CTCF: variants seen among roughly 807,000 people sequenced by gnomAD.
CTCF encodes transcriptional repressor CTCF.
CTCF carries 7 observed loss-of-function variants against 72.3 expected under a neutral mutation model. The ratio of observed to expected loss-of-function variants is 0.10; its 90% CI spans 0.06 to 0.18. The LOEUF is 0.18. CTCF is among the 10% of genes least tolerant of loss of function. The probability of loss-of-function intolerance (pLI) is 1.00; values close to 1 mark genes in which losing one functional copy is unlikely to be tolerated. For synonymous variants in CTCF, 374 were observed against 315.8 expected (o/e 1.18, Z -1.95); for missense variants, 516 against 949.1 (o/e 0.54, Z 6.00).
At chr16:67,617,325 C>T (rs1193400229) in intron 5 of CTCF, among the ~76,000 whole-genome samples, 1 of 151,970 alleles carries the variant, frequency 6.6e-6, no homozygotes, top group Non-Finnish European at 1.5e-5. Flanking sequence ...CGGTGAAACC[C>T]TGTCTCTACT....
chr16:67,573,274 A>T lies in CTCF; in HGVS notation c.-10+2010A>T, dbSNP rs377293032. 5.3e-5 allele frequency among the ~76,000 whole-genome samples: 8 copies of T among 149,690 alleles called. No homozygotes were observed. The East Asian group carries it at 1.4e-3, about 26-fold the overall frequency. ...AAAAACAACAAAAAAAACCCCAAGA[A>T]GACAATTAGCTGGGTGTGGTGGTGC... On this transcript the variant is annotated intron_variant, in intron 2 of 11. Transcript: ENST00000264010.
At chr16:67,624,974 G>A (rs1258308608) in intron 7 of CTCF, among the ~76,000 whole-genome samples, 1 of 152,136 alleles carries the variant, frequency 6.6e-6, no homozygotes, top group Admixed American at 6.6e-5. Context: ...ACCCAGGCTG[G>A]AGTAGAGTGG....
intron 4 of CTCF, chr16:67,614,858 C>G (rs1052755400): frequency 6.6e-6 from 1 of 152,058 alleles, no homozygotes; most frequent in Non-Finnish European, 1.5e-5. Context: ...AAGAAAAAGC[C>G]AGGCATGGTG....
chr16:67,579,038 T>C (rs1028253012), intron 2 of CTCF, among the ~76,000 whole-genome samples: 1 of 151,822 alleles, frequency 6.6e-6, no homozygotes, highest in Non-Finnish European at 1.5e-5. Flanking sequence ...GTGGATCACC[T>C]GAGGTCAGGA....
chr16:67,574,561 C>CA (rs1263514945), intron 2 of CTCF, among the ~76,000 whole-genome samples: 5 of 151,244 alleles, frequency 3.3e-5, no homozygotes, highest in Non-Finnish European at 7.4e-5. Context: ...AGGCTGGTCT[C>CA]AAACTCCTGA....
chr16:67,615,708 A>G (rs896357696), intron 4 of CTCF: 1 of 152,226 alleles, frequency 6.6e-6, no homozygotes, highest in Non-Finnish European at 1.5e-5. Flanking sequence ...ACACTTTCAC[A>G]GGAAGAACTC....
intron 10 of CTCF, among the ~76,000 whole-genome samples, chr16:67,633,781 GACACACACACAC>G (rs10587869): frequency 2.8e-5 from 4 of 143,198 alleles, no homozygotes; most frequent in East Asian, 2.1e-4. Context: ...CTTGTCCCCT[GACACACACACAC>G]ACACACACAC....
At chr16:67,632,089 A>G (rs1484728385) in intron 10 of CTCF, among the ~76,000 whole-genome samples, 9 of 150,270 alleles carry the variant, frequency 6.0e-5, no homozygotes, top group African/African-American at 9.8e-5. Flanking sequence ...AAAAAAAAAA[A>G]GGGAAAAAAA....
intron 2 of CTCF, among the ~76,000 whole-genome samples, chr16:67,574,465 C>T (rs555029907): frequency 6.6e-6 from 1 of 151,914 alleles, no homozygotes; most frequent in African/African-American, 2.4e-5. Context: ...CCTCAGTCTC[C>T]CGAGTAGCTG....
At chr16:67,592,164 C>G (rs141556244) in intron 2 of CTCF, among the ~76,000 whole-genome samples, 101 of 152,238 alleles carry the variant, frequency 6.6e-4, no homozygotes, top group African/African-American at 2.4e-3. Flanking sequence ...GTAAACCCAG[C>G]ACTTTGGGAG....
intron 7 of CTCF, among the ~76,000 whole-genome samples, chr16:67,623,969 A>G (rs538826590): frequency 3.4e-3 from 510 of 150,610 alleles, no homozygotes; most frequent in Middle Eastern, 7.0e-3. Context: ...AATTGCTTCA[A>G]TCCGGGAGGG....
intron 9 of CTCF, among the ~76,000 whole-genome samples, chr16:67,629,177 A>G (rs2052330213): frequency 6.6e-6 from 1 of 150,818 alleles, no homozygotes; most frequent in Non-Finnish European, 1.5e-5. Context: ...CAGAACTAAG[A>G]GCTGGTCTGA....
chr16:67,592,051 A>G (rs543883217), intron 2 of CTCF, among the ~76,000 whole-genome samples: 1 of 151,928 alleles, frequency 6.6e-6, no homozygotes, highest in East Asian at 1.9e-4. Context: ...TCCTTGTCCT[A>G]ATGTCATTTA....
intron 5 of CTCF, 36 bp downstream of exon 5, chr16:67,616,914 G>C: frequency 6.2e-7 from 1 of 1,604,076 alleles, no homozygotes; most frequent in Non-Finnish European, 8.5e-7. Context: ...TCTCTCTTAG[G>C]CAGACCATGA....
At chr16:67,630,907 C>T (rs2052353742) in intron 10 of CTCF, among the ~76,000 whole-genome samples, 1 of 151,968 alleles carries the variant, frequency 6.6e-6, no homozygotes, top group South Asian at 2.1e-4. Flanking sequence ...TGGGAAGGCA[C>T]CTCTGTAACT....
chr16:67,637,582 G>A (rs2052448082), intron 11 of CTCF, 106 bp from the exon 12 acceptor site: 1 of 858,782 alleles, frequency 1.2e-6, no homozygotes, highest in African/African-American at 1.7e-5. Flanking sequence ...TATCTAATAA[G>A]GCTGTCCTGC....
At chr16:67,606,478 G>T (rs758180485) in intron 2 of CTCF, among the ~76,000 whole-genome samples, 5 of 152,148 alleles carry the variant, frequency 3.3e-5, no homozygotes, top group Non-Finnish European at 1.5e-5. Context: ...GTAGGACCAG[G>T]CCTCCCAAAA....
At position 67,610,813 on chromosome 16, in the gene CTCF, C is replaced by G; in HGVS notation, c.-9-11C>G. Reference sequence around the variant, plus strand: ...GCTTTAAATAACAATCTGTGTTCTCCCTTAATAAAGGCAGGGGAAATGGAA... The same window carrying G: ...GCTTTAAATAACAATCTGTGTTCTCGCTTAATAAAGGCAGGGGAAATGGAA... On this transcript the variant is annotated splice_polypyrimidine_tract_variant and intron_variant, in intron 2 of 11. Coordinates refer to ENST00000264010, the MANE Select transcript of CTCF (RefSeq NM_006565.4). 2.1e-6 allele frequency: 3 copies of G among 1,447,890 alleles called. No individual in the cohort carries two copies. The highest frequency in any genetic ancestry group is 2.7e-6 in the Non-Finnish European group (3 of 1,094,834). 89.7% of individuals were successfully genotyped at this position (1,447,890 alleles called of 1,614,324 possible). A position where few individuals can be genotyped will look rare whatever the true frequency, so the allele number is the denominator to read the frequency against.
intron 2 of CTCF, among the ~76,000 whole-genome samples, chr16:67,574,799 C>T (rs2051473146): frequency 6.6e-6 from 1 of 151,724 alleles, no homozygotes; most frequent in Admixed American, 6.6e-5. Flanking sequence ...GCTGAGACTA[C>T]ATGCGCCCAC....
Sources: allele counts gnomAD v4.1 joint callset (sites outside exome capture counted in the v4.1 genomes callset), GRCh38; gene constraint gnomAD v4.1.1; transcripts MANE v1.5; gene names NCBI Gene and HGNC (gene_info 2026-07-23, HGNC 2026-07-21).